The following NHSL1 variants were observed in gnomAD, a reference collection of about 807,000 sequenced individuals.
NHSL1 encodes the protein NHS like 1, also known as NHS-like protein 1.
A neutral mutation model predicts 95.0 loss-of-function variants in NHSL1; 48 were observed. The ratio of observed to expected loss-of-function variants is 0.51; its 90% CI spans 0.40 to 0.64. The LOEUF (loss-of-function observed/expected upper bound fraction) is 0.64, where lower values mean the gene tolerates loss of function less well. NHSL1 is among the 30% of genes least tolerant of loss of function. NHSL1 has a pLI of 0.00. For synonymous variants in NHSL1, 783 were observed against 833.9 expected (o/e 0.94, Z 1.05); for missense variants, 1,971 against 2,077.7 (o/e 0.95, Z 1.00).
chr6:138,647,388 G>A (rs1004199898), intron 1 of NHSL1, among the ~76,000 whole-genome samples: 10 of 152,098 alleles, frequency 6.6e-5, no homozygotes, highest in Admixed American at 2.6e-4. Context: ...AAGCTTGCTC[G>A]GGAGTTTTGT....
chr6:138,463,361 A>G (rs1778119420), intron 3 of NHSL1, among the ~76,000 whole-genome samples: 1 of 151,992 alleles, frequency 6.6e-6, no homozygotes, highest in South Asian at 2.1e-4. Context: ...ATTAGGTCCT[A>G]TGTGATCTGG....
upstream of NHSL1, among the ~76,000 whole-genome samples, chr6:138,576,688 C>A (rs540191540): frequency 6.6e-6 from 1 of 152,312 alleles, no homozygotes; most frequent in East Asian, 1.9e-4. Context: ...TTTGTCGCAG[C>A]TGCCTTTGGC....
chr6:138,557,282 C>T (rs1299656401), intron 1 of NHSL1, among the ~76,000 whole-genome samples: 1 of 152,102 alleles, frequency 6.6e-6, no homozygotes, highest in Non-Finnish European at 1.5e-5. Flanking sequence ...CAAATTCAAC[C>T]ACTCAAAATA....
Position 138,477,712 on chromosome 6 carries a change from G to T in NHSL1, c.212-4279C>A, listed in dbSNP as rs138429576. Among the ~76,000 whole-genome samples, 1,279 of 152,236 alleles carry T rather than the reference G, an allele frequency of 8.4e-3. 10 individuals are homozygous for T. The highest frequency in any genetic ancestry group is 0.012 in the Non-Finnish European group (803 of 68,018). ...CATTACTTTTACAAATATATGTAAG[G>T]TATTGGATACCAAGGAAGACTGTGT... On this transcript the variant is annotated intron_variant, in intron 2 of 7. Transcript: ENST00000343505.
intron 1 of NHSL1, among the ~76,000 whole-genome samples, chr6:138,647,671 G>A (rs1000619072): frequency 2.1e-5 from 3 of 145,788 alleles, no homozygotes; most frequent in African/African-American, 5.2e-5. Context: ...GCATAATCTC[G>A]CCTCACTGCA....
chr6:138,627,038 T>C (rs533710171), intron 1 of NHSL1, among the ~76,000 whole-genome samples: 7 of 152,152 alleles, frequency 4.6e-5, no homozygotes, highest in African/African-American at 1.7e-4. Context: ...CCTAAAACAA[T>C]TTAGAACATT....
At chr6:138,479,130 CTA>C (rs1330189326) in intron 2 of NHSL1, among the ~76,000 whole-genome samples, 1 of 152,154 alleles carries the variant, frequency 6.6e-6, no homozygotes, top group Non-Finnish European at 1.5e-5. Flanking sequence ...CTATCTATTG[CTA>C]TGTTTTTTTC....
intron 1 of NHSL1, among the ~76,000 whole-genome samples, chr6:138,524,927 G>A (rs1432963613): frequency 2.0e-5 from 3 of 152,138 alleles, no homozygotes; most frequent in African/African-American, 7.2e-5. Context: ...CTGAATGACG[G>A]GAGCCCTGCT....
intron 1 of NHSL1, among the ~76,000 whole-genome samples, chr6:138,681,675 T>C (rs1469381749): frequency 1.3e-5 from 2 of 152,234 alleles, no homozygotes; most frequent in South Asian, 2.1e-4. Flanking sequence ...TCAGGTATAA[T>C]TGGATTATGC....
chr6:138,656,738 TTAA>T (rs1292683090), intron 1 of NHSL1, among the ~76,000 whole-genome samples: 3 of 152,208 alleles, frequency 2.0e-5, no homozygotes, highest in African/African-American at 4.8e-5. Context: ...CTCGGGTTTC[TTAA>T]TAATGTTTTC....
chr6:138,464,875 G>A (rs1256449153), intron 3 of NHSL1, among the ~76,000 whole-genome samples: 1 of 150,804 alleles, frequency 6.6e-6, no homozygotes, highest in African/African-American at 2.4e-5. Flanking sequence ...ACCACGCCTC[G>A]CTAATTTTTG....
rs151143827 is a variant in NHSL1 at position 138,527,945 on chromosome 6, T to A, written c.16+17678A>T. Among the ~76,000 whole-genome samples the A allele has an allele frequency of 5.4e-4, 83 of 152,322 alleles. 2 individuals are homozygous for A. The East Asian group carries it at 0.013, about 25-fold the overall frequency. On this transcript the variant is annotated intron_variant, in intron 1 of 4. Coordinates refer to the NHSL1 transcript ENST00000342260. ...TGGCTAAGCCAAAGTCATTAGTGAT[T>A]AGAAAGCCTCACACAAGAGCCTGTG...
At chr6:138,454,190 C>CGCGTGTGTGT (rs144366744) in intron 3 of NHSL1, among the ~76,000 whole-genome samples, 5 of 151,152 alleles carry the variant, frequency 3.3e-5, no homozygotes, top group Non-Finnish European at 7.4e-5. Context: ...TATATGTGTG[C>CGCGTGTGTGT]GTGTGTGTGT....
chr6:138,676,552 CAGAGG>C (rs1299423664), intron 1 of NHSL1, among the ~76,000 whole-genome samples: 1 of 152,210 alleles, frequency 6.6e-6, no homozygotes, highest in Admixed American at 6.5e-5. Flanking sequence ...GCCCATTTTA[CAGAGG>C]AAAGAACTTA....
rs187094840 is a variant in NHSL1, at chr6:138,482,302, T to C, written c.212-8869A>G. On this transcript the variant is annotated intron_variant, in intron 2 of 7. Transcript: ENST00000343505. Reference sequence around the variant, plus strand: ...CTCTATTAAAAATACAAAAATTAGCTGGGCGTGGTGGCGGGTGCCTGTAGT... The same window carrying C: ...CTCTATTAAAAATACAAAAATTAGCCGGGCGTGGTGGCGGGTGCCTGTAGT... 1.4e-4 allele frequency among the ~76,000 whole-genome samples: 22 copies of C among 152,014 alleles called. No homozygotes were observed. In the South Asian group the frequency reaches 2.3e-3, roughly 16 times the overall value.
intron 1 of NHSL1, among the ~76,000 whole-genome samples, chr6:138,498,921 T>C (rs1278779424): frequency 6.6e-6 from 1 of 152,194 alleles, no homozygotes; most frequent in Non-Finnish European, 1.5e-5. Context: ...TCAAAGGACT[T>C]CTTTTGAAAA....
intron 1 of NHSL1, among the ~76,000 whole-genome samples, chr6:138,606,702 CT>C (rs777156294): frequency 2.5e-3 from 312 of 123,390 alleles, no homozygotes; most frequent in African/African-American, 6.6e-3. Flanking sequence ...TTCTTTCTTT[CT>C]TTTTTTTTTT....
Position 138,485,669 on chromosome 6 carries a change from T to C in NHSL1, c.211+10550A>G, listed in dbSNP as rs184483374. 4.4e-3 allele frequency among the ~76,000 whole-genome samples: 671 copies of C among 152,264 alleles called. 2 individuals carry two copies. In the Middle Eastern group the frequency reaches 0.051, roughly 12 times the overall value. The stretch of plus-strand genomic sequence containing the variant: ...ATCAAATTCAATAGGAGAAGTTAAA[T>C]AGCCCCTTTTTGTATATAATTCCCA... On this transcript the variant is annotated intron_variant, in intron 2 of 7. Transcript: ENST00000343505.
intron 1 of NHSL1, among the ~76,000 whole-genome samples, chr6:138,630,768 T>C (rs1269511204): frequency 6.6e-6 from 1 of 152,184 alleles, no homozygotes; most frequent in Admixed American, 6.5e-5. Flanking sequence ...TGTCACTCTC[T>C]AAATATGCTT....
Sources: gnomAD v4.1 joint callset for allele counts (sites outside exome capture counted in the v4.1 genomes callset) on GRCh38, gnomAD v4.1.1 for gene constraint, MANE v1.5 for transcripts, NCBI Gene and HGNC (gene_info 2026-07-23, HGNC 2026-07-21) for gene names.